Variants in PRSS23 observed in about 807,000 individuals in gnomAD.
PRSS23 encodes protease, serine 23.
Under a neutral mutation model 34.7 loss-of-function variants are expected in PRSS23, and 25 were observed. That is an observed-to-expected ratio of 0.72 (90% CI 0.53 to 1.01). PRSS23 has a LOEUF of 1.01. Among genes scored for constraint, PRSS23 ranks in the 50% least tolerant of loss-of-function variants. PRSS23 has a pLI of 0.00. For missense variants in PRSS23, 445 were observed against 475.6 expected (o/e 0.94, Z 0.60); for synonymous variants, 176 against 186.6 (o/e 0.94, Z 0.46).
chr11:86,812,193 G>T (rs548840014), downstream of PRSS23, among the ~76,000 whole-genome samples: 6 of 152,182 alleles, frequency 3.9e-5, no homozygotes, highest in Admixed American at 2.0e-4. Flanking sequence ...ACCTTTCAAA[G>T]CTCTGTATAG....
rs773684477 is a variant in PRSS23 at position 86,857,710 on chromosome 11, G to A, written c.206+34117G>A. ...TATACATGCAAAAAGGACAAAGAAA[G>A]ACATCTGTGTCAGGCAGCCCGCATA... On this transcript the variant is annotated intron_variant, in intron 2 of 2. Transcript: ENST00000533902. 62 of 670,328 alleles carry A rather than the reference G, an allele frequency of 9.2e-5. No homozygotes were observed. The Middle Eastern group carries it at 4.1e-3, about 44-fold the overall frequency. 41.5% of individuals were successfully genotyped at this position (670,328 alleles called of 1,614,324 possible). A position where few individuals can be genotyped will look rare whatever the true frequency, so the allele number is the denominator to read the frequency against.
chr11:86,885,944 A>G (rs943098944), intron 2 of PRSS23, among the ~76,000 whole-genome samples: 4 of 152,186 alleles, frequency 2.6e-5, no homozygotes, highest in Admixed American at 6.5e-5. Context: ...CTTGCTTGCA[A>G]GATGGCAAGT....
intron 2 of PRSS23, among the ~76,000 whole-genome samples, chr11:86,927,094 G>T (rs1405783790): frequency 1.3e-5 from 2 of 152,156 alleles, no homozygotes; most frequent in East Asian, 3.8e-4. Context: ...GGATTTTTTA[G>T]ATTCTGACTG....
chr11:86,825,796 T>C (rs1464377258), intron 2 of PRSS23, among the ~76,000 whole-genome samples: 12 of 150,178 alleles, frequency 8.0e-5, no homozygotes, highest in African/African-American at 2.2e-4. Context: ...GTTGTAGATA[T>C]GCGGCGTTAT....
At chr11:86,894,329 A>G in intron 2 of PRSS23, among the ~76,000 whole-genome samples, 1 of 152,196 alleles carries the variant, frequency 6.6e-6, no homozygotes, top group Non-Finnish European at 1.5e-5. Context: ...TTGCATATGG[A>G]AAAGAAATCA....
In PRSS23 at chr11:86,808,170, G is replaced by A. The variant is rs1948128909; in HGVS notation, c.527G>A (p.Cys176Tyr). The A allele has an allele frequency of 6.2e-7, 1 of 1,614,038 alleles. No individual in the cohort carries two copies. The highest frequency in any genetic ancestry group is 8.5e-7 in the Non-Finnish European group (1 of 1,180,046). ...AAGCATGTCCTCACAGCTGCCCACTGCATACACGATGGAAAAACCTATGTG... is the reference window on the plus strand; with the variant it reads ...AAGCATGTCCTCACAGCTGCCCACTACATACACGATGGAAAAACCTATGTG... The part of the protein sequence containing the change: ...AEKHVLTAAH[C>Y]IHDGKTYVKG... Residue 176 changes from cysteine (C) to tyrosine (Y), a missense_variant, in exon 2 of 2, where the codon TGC (cysteine) becomes TAC (tyrosine). Coordinates refer to ENST00000280258, the MANE Select transcript of PRSS23 (RefSeq NM_007173.6).
At chr11:86,842,910 G>GA (rs537824888) in intron 2 of PRSS23, among the ~76,000 whole-genome samples, 76 of 152,196 alleles carry the variant, frequency 5.0e-4, no homozygotes, top group Admixed American at 3.5e-3. Context: ...CACAGAATTG[G>GA]AAAAAACTAC....
intron 2 of PRSS23, among the ~76,000 whole-genome samples, chr11:86,867,769 T>G (rs941915125): frequency 3.3e-5 from 5 of 150,532 alleles, no homozygotes; most frequent in Non-Finnish European, 7.4e-5. Context: ...CCCAGCTACT[T>G]GGGAGGTTGA....
In PRSS23 at chr11:86,951,846, T is replaced by C. The variant is rs765359794; in HGVS notation, c.*561T>C. The C allele has an allele frequency of 2.5e-6, 4 of 1,613,772 alleles. No individual in the cohort carries two copies. The Admixed American group carries it at 5.0e-5, about 20-fold the overall frequency. ...AAAAAGTACATCAGCAAGAAAATTA[T>C]TGCACATCCTGTGTTCTTAAGTCCT... On this transcript the variant is annotated 3_prime_UTR_variant, in exon 3 of 3. Transcript: ENST00000533902.
chr11:86,934,382 G>GC (rs1949147234), intron 2 of PRSS23: 2 of 151,290 alleles, frequency 1.3e-5, no homozygotes, highest in South Asian at 4.1e-4. Flanking sequence ...TCTCTCTTTG[G>GC]TTTTTTCTTT....
chr11:86,846,872 CA>C (rs555988815), intron 2 of PRSS23, among the ~76,000 whole-genome samples: 2 of 152,146 alleles, frequency 1.3e-5, no homozygotes, highest in Non-Finnish European at 2.9e-5. Context: ...TGTAGTCCCC[CA>C]CATCAGGATA....
intron 1 of PRSS23, among the ~76,000 whole-genome samples, chr11:86,816,839 C>T (rs774789879): frequency 2.6e-5 from 4 of 152,168 alleles, no homozygotes; most frequent in Non-Finnish European, 4.4e-5. Flanking sequence ...ATATCTTTAC[C>T]GATCAGCCTC....
intron 2 of PRSS23, among the ~76,000 whole-genome samples, chr11:86,905,521 A>T (rs1034958132): frequency 6.6e-6 from 1 of 152,194 alleles, no homozygotes; most frequent in Non-Finnish European, 1.5e-5. Context: ...CACTCCTTTC[A>T]GATTCAACTT....
At chr11:86,819,337 T>G (rs896865894) in intron 1 of PRSS23, among the ~76,000 whole-genome samples, 1 of 152,206 alleles carries the variant, frequency 6.6e-6, no homozygotes, top group African/African-American at 2.4e-5. Flanking sequence ...GATGCATTAT[T>G]AATTCAAAAC....
At chr11:86,824,692 AT>A (rs1948285359) in intron 2 of PRSS23, among the ~76,000 whole-genome samples, 1 of 132,606 alleles carries the variant, frequency 7.5e-6, no homozygotes, top group African/African-American at 2.9e-5. Flanking sequence ...ATGTGTTCTC[AT>A]TGTTCAATTC....
intron 2 of PRSS23, among the ~76,000 whole-genome samples, chr11:86,913,236 G>A (rs1948989343): frequency 1.4e-5 from 2 of 146,690 alleles, no homozygotes; most frequent in African/African-American, 2.6e-5. Flanking sequence ...CTGCATTTTA[G>A]CTGCCCTGCT....
At chr11:86,887,941 A>G (rs151134486) in intron 2 of PRSS23, among the ~76,000 whole-genome samples, 1 of 151,750 alleles carries the variant, frequency 6.6e-6, no homozygotes, top group African/African-American at 2.4e-5. Context: ...AATCCCAGCT[A>G]CTCGGGAGGC....
chr11:86,885,813 T>C (rs1183941953), intron 2 of PRSS23, among the ~76,000 whole-genome samples: 1 of 152,250 alleles, frequency 6.6e-6, no homozygotes, highest in Non-Finnish European at 1.5e-5. Flanking sequence ...TGGAGAACCC[T>C]GACTAATACA....
intron 2 of PRSS23, among the ~76,000 whole-genome samples, chr11:86,888,306 T>A (rs1948819015): frequency 6.6e-6 from 1 of 152,168 alleles, no homozygotes; most frequent in Non-Finnish European, 1.5e-5. Context: ...AAAGAACACA[T>A]GCTATTGTTT....
Sources: gnomAD v4.1 joint callset for allele counts (sites outside exome capture counted in the v4.1 genomes callset) on GRCh38, gnomAD v4.1.1 for gene constraint, MANE v1.5 for transcripts, NCBI Gene and HGNC (gene_info 2026-07-23, HGNC 2026-07-21) for gene names.